The following GCNT1 variants were observed in gnomAD, a reference collection of about 807,000 sequenced individuals.
GCNT1 encodes beta-1,3-galactosyl-O-glycosyl-glycoprotein beta-1,6-N-acetylglucosaminyltransferase.
A neutral mutation model predicts 26.2 loss-of-function variants in GCNT1; 16 were observed. The ratio of observed to expected loss-of-function variants is 0.61; its 90% CI spans 0.41 to 0.93. The LOEUF (loss-of-function observed/expected upper bound fraction) is 0.93, where lower values mean the gene tolerates loss of function less well. GCNT1 is among the 40% of genes least tolerant of loss of function. GCNT1 has a pLI of 0.00. For missense variants in GCNT1, 477 were observed against 526.7 expected, an observed-to-expected ratio of 0.91 and a Z score of 0.92; for synonymous variants, 183 against 190.8, an observed-to-expected ratio of 0.96 and a Z score of 0.34.
At chr9:76,488,879 C>T (rs114002957) in intron 2 of GCNT1, among the ~76,000 whole-genome samples, 175 of 152,324 alleles carry the variant, frequency 1.1e-3, no homozygotes, top group African/African-American at 4.1e-3. Flanking sequence ...ATGTGGTTTC[C>T]TGTTTGTTCT....
intron 1 of GCNT1, among the ~76,000 whole-genome samples, chr9:76,444,635 G>A (rs1823545658): frequency 6.6e-6 from 1 of 152,238 alleles, no homozygotes; most frequent in Admixed American, 6.5e-5. Context: ...ACGGGACTAA[G>A]CACCTGATTA....
intron 2 of GCNT1, among the ~76,000 whole-genome samples, chr9:76,460,810 G>A (rs1178002818): frequency 6.6e-6 from 1 of 152,154 alleles, no homozygotes; most frequent in Non-Finnish European, 1.5e-5. Flanking sequence ...ATGAGGGTTT[G>A]ACGGTCACTG....
At chr9:76,394,336 G>A in the GCNT1 span, 3 of 579,736 alleles carry the variant, frequency 5.2e-6, no homozygotes, top group South Asian at 2.5e-5. Context: ...AGGCCACTGC[G>A]AATCCCTGAC....
At chr9:76,425,137 T>TAAA (rs1194003045) in intron 1 of GCNT1, among the ~76,000 whole-genome samples, 2 of 73,032 alleles carry the variant, frequency 2.7e-5, no homozygotes, top group African/African-American at 1.1e-4. Context: ...AAACTCCGTC[T>TAAA]AAAAAAAAAA....
At chr9:76,393,990 G>C in the GCNT1 span, 1 of 1,107,356 alleles carries the variant, frequency 9.0e-7, no homozygotes, top group East Asian at 2.8e-5. Flanking sequence ...CTCTGCCCGC[G>C]GTCCGGAGGC....
chr9:76,487,327 G>A (rs1366438117), intron 2 of GCNT1, among the ~76,000 whole-genome samples: 12 of 152,034 alleles, frequency 7.9e-5, no homozygotes, highest in South Asian at 2.1e-4. Flanking sequence ...ACAGTAGTTG[G>A]TATTTTGCTC....
At chr9:76,407,691 A>G in the GCNT1 span, among the ~76,000 whole-genome samples, 2 of 152,192 alleles carry the variant, frequency 1.3e-5, no homozygotes, top group Non-Finnish European at 2.9e-5. Flanking sequence ...TGTTGAATCT[A>G]TAGATCGCAT....
chr9:76,429,766 G>A (rs1198891521), intron 1 of GCNT1, among the ~76,000 whole-genome samples: 1 of 143,722 alleles, frequency 7.0e-6, no homozygotes, highest in Non-Finnish European at 1.5e-5. Flanking sequence ...CTAGGCTGGA[G>A]TTCAGTGGCG....
upstream of GCNT1, among the ~76,000 whole-genome samples, chr9:76,456,536 C>A (rs1823760254): frequency 6.6e-6 from 1 of 152,226 alleles, no homozygotes; most frequent in Admixed American, 6.5e-5. Flanking sequence ...CCTTGCCAAT[C>A]TTCATGACCT....
At chr9:76,451,273 G>T (rs1823660391) in intron 1 of GCNT1, among the ~76,000 whole-genome samples, 2 of 152,186 alleles carry the variant, frequency 1.3e-5, no homozygotes, top group Non-Finnish European at 2.9e-5. Context: ...AAGAGGATGG[G>T]TGGCTATCAT....
intron 1 of GCNT1, among the ~76,000 whole-genome samples, chr9:76,429,871 C>T (rs1160619363): frequency 1.3e-5 from 2 of 152,026 alleles, no homozygotes; most frequent in Non-Finnish European, 2.9e-5. Flanking sequence ...CCCGCCACCA[C>T]GCCCGGCTAA....
chr9:76,430,886 A>G lies in GCNT1; in HGVS notation n.38+10999A>G, dbSNP rs142233806. Among the ~76,000 whole-genome samples the G allele has an allele frequency of 2.6e-3, 400 of 152,164 alleles. 1 individual carries two copies. The highest frequency in any genetic ancestry group is 9.3e-3 in the African/African-American group (386 of 41,498). Reference sequence around the variant, plus strand: ...ATTTTAGTACAGATAGGGTTTCACCATGTTGGCCAGGCTGGTCTCGAACTC... The same window carrying G: ...ATTTTAGTACAGATAGGGTTTCACCGTGTTGGCCAGGCTGGTCTCGAACTC... On this transcript the variant is annotated intron_variant and non_coding_transcript_variant, in intron 1 of 3. Coordinates refer to the GCNT1 transcript ENST00000488136.
upstream of GCNT1, among the ~76,000 whole-genome samples, chr9:76,415,497 T>G (rs796722316): frequency 5.3e-5 from 8 of 152,212 alleles, no homozygotes; most frequent in South Asian, 4.1e-4. Flanking sequence ...TTAAGATGAT[T>G]TTTCTCTTGT....
intron 2 of GCNT1, among the ~76,000 whole-genome samples, chr9:76,477,055 C>T (rs921299940): frequency 3.9e-5 from 6 of 151,946 alleles, no homozygotes; most frequent in Admixed American, 3.9e-4. Context: ...GCTGAGATTG[C>T]AGGTGTGCAC....
the GCNT1 span, chr9:76,399,277 C>T: frequency 1.4e-6 from 2 of 1,428,754 alleles, no homozygotes; most frequent in South Asian, 1.1e-5. Context: ...CCTATGACCA[C>T]CCGTGGGAGG....
intron 1 of GCNT1, among the ~76,000 whole-genome samples, chr9:76,443,682 G>GT (rs1823517918): frequency 6.6e-6 from 1 of 152,158 alleles, no homozygotes; most frequent in Non-Finnish European, 1.5e-5. Flanking sequence ...TTTATGGCCA[G>GT]ATTTTGGGGG....
At chr9:76,414,357 G>C in the GCNT1 span, among the ~76,000 whole-genome samples, 1 of 152,220 alleles carries the variant, frequency 6.6e-6, no homozygotes, top group Middle Eastern at 3.4e-3. Context: ...GCATTCTATG[G>C]TCCTATCGTT....
intron 2 of GCNT1, among the ~76,000 whole-genome samples, chr9:76,500,277 T>C (rs547512947): frequency 6.6e-6 from 1 of 152,310 alleles, no homozygotes; most frequent in East Asian, 1.9e-4. Context: ...AAAGTTTATA[T>C]TCTTTGTTAT....
At chr9:76,415,395 T>G (rs1034539884), upstream of GCNT1, among the ~76,000 whole-genome samples, 1 of 152,124 alleles carries the variant, frequency 6.6e-6, no homozygotes, top group African/African-American at 2.4e-5. Context: ...GCCCCTTGGA[T>G]TTTTCCCCCC....
Sources: gnomAD v4.1 joint callset for allele counts (sites outside exome capture counted in the v4.1 genomes callset) on GRCh38, gnomAD v4.1.1 for gene constraint, MANE v1.5 for transcripts, NCBI Gene and HGNC (gene_info 2026-07-23, HGNC 2026-07-21) for gene names.